Variants in DNAH5 observed in about 807,000 individuals in gnomAD.
DNAH5 encodes the protein dynein axonemal heavy chain 5.
A neutral mutation model predicts 518.2 loss-of-function variants in DNAH5; 372 were observed. The ratio of observed to expected loss-of-function variants is 0.72; its 90% CI spans 0.66 to 0.78. The LOEUF (loss-of-function observed/expected upper bound fraction) is 0.78. Ranked by LOEUF, DNAH5 falls within the 30% of genes least tolerant of loss-of-function variation. The pLI, the probability that DNAH5 is intolerant of heterozygous loss-of-function variation, is 0.00. For synonymous variants in DNAH5, 2,039 were observed against 2,025.9 expected (o/e 1.01, Z -0.17); for missense variants, 5,523 against 5,687.0 (o/e 0.97, Z 0.93).
chr5:13,959,159 C>A (rs1780977036), intron 1 of DNAH5, among the ~76,000 whole-genome samples: 1 of 152,178 alleles, frequency 6.6e-6, no homozygotes, highest in Admixed American at 6.5e-5. Context: ...GTTGGTCAGG[C>A]TGGTCTCAAA....
At chr5:13,694,761 TAAC>T (rs1222905651) in intron 78 of DNAH5, among the ~76,000 whole-genome samples, 2 of 152,212 alleles carry the variant, frequency 1.3e-5, no homozygotes, top group African/African-American at 4.8e-5. Context: ...ACCCTTTTGC[TAAC>T]AACATTTAAA....
chr5:13,882,387 C>T (rs1193083653), intron 21 of DNAH5, among the ~76,000 whole-genome samples: 1 of 151,542 alleles, frequency 6.6e-6, no homozygotes, highest in Non-Finnish European at 1.5e-5. Flanking sequence ...GCCAATATCA[C>T]TGGTGGACAT....
intron 65 of DNAH5, among the ~76,000 whole-genome samples, chr5:13,738,145 A>G (rs989645227): frequency 1.3e-5 from 2 of 151,746 alleles, no homozygotes; most frequent in Non-Finnish European, 2.9e-5. Flanking sequence ...GGTGCCAAGC[A>G]ACATGAAACC....
At chr5:13,741,339 T>A (rs1480643914) in intron 65 of DNAH5, among the ~76,000 whole-genome samples, 1 of 152,100 alleles carries the variant, frequency 6.6e-6, no homozygotes, top group Non-Finnish European at 1.5e-5. Context: ...AAAGGAAGAA[T>A]TCCCTCTTTA....
chr5:13,716,419 A>G, intron 74 of DNAH5, 68 bp downstream of exon 74: 2 of 1,104,826 alleles, frequency 1.8e-6, no homozygotes, highest in East Asian at 2.4e-5. Flanking sequence ...TAGACAGTGT[A>G]ATTAATACCC....
intron 47 of DNAH5, among the ~76,000 whole-genome samples, chr5:13,800,560 C>T (rs1175609620): frequency 6.6e-6 from 1 of 152,142 alleles, no homozygotes; most frequent in Non-Finnish European, 1.5e-5. Flanking sequence ...CAACAGTAGG[C>T]CCCCATTCCA....
At chr5:13,796,134 T>C (rs1010434572) in intron 47 of DNAH5, among the ~76,000 whole-genome samples, 2 of 152,174 alleles carry the variant, frequency 1.3e-5, no homozygotes, top group Non-Finnish European at 2.9e-5. Flanking sequence ...CTTTGAAAAC[T>C]GGCACAAGAC....
intron 77 of DNAH5, 94 bp from the exon 78 acceptor site, chr5:13,700,965 T>C: frequency 1.1e-5 from 15 of 1,307,374 alleles, no homozygotes; most frequent in Non-Finnish European, 1.7e-5. Context: ...CGAATCACTC[T>C]AACTCGAAGG....
intron 45 of DNAH5, 50 bp downstream of exon 45, chr5:13,810,009 A>G (rs767711458): frequency 2.4e-5 from 36 of 1,503,830 alleles, no homozygotes; most frequent in Non-Finnish European, 3.3e-5. Flanking sequence ...TTGGCCATGT[A>G]GGAAAGAACG....
At chr5:13,906,842 G>A (rs1204489185) in intron 12 of DNAH5, among the ~76,000 whole-genome samples, 2 of 152,050 alleles carry the variant, frequency 1.3e-5, no homozygotes, top group Non-Finnish European at 2.9e-5. Context: ...TCGTGGAAAA[G>A]ATATAGACTT....
chr5:13,866,445 T>A (rs150218215), intron 25 of DNAH5, among the ~76,000 whole-genome samples, 163 bp from the exon 26 acceptor site: 7 of 152,192 alleles, frequency 4.6e-5, no homozygotes, highest in Admixed American at 3.9e-4. Flanking sequence ...CATTTAGACA[T>A]ATGTTTCTAG....
intron 66 of DNAH5, among the ~76,000 whole-genome samples, chr5:13,736,316 A>G (rs1747409926): frequency 1.3e-5 from 2 of 152,128 alleles, no homozygotes; most frequent in South Asian, 4.1e-4. Context: ...GCCATGCCTA[A>G]CCTGGGCTTC....
intron 55 of DNAH5, 73 bp downstream of exon 55, chr5:13,776,366 C>A: frequency 6.3e-7 from 1 of 1,589,842 alleles, no homozygotes; most frequent in Non-Finnish European, 8.6e-7. Flanking sequence ...GAGGCAGAGC[C>A]TTCAAGCATC....
Position 13,919,265 on chromosome 5 carries a change from T to G in DNAH5, c.886A>C (p.Lys296Gln). Residue 296 changes from lysine to glutamine, a missense_variant, in exon 7 of 79, where the codon AAG becomes CAG. Lys to Gln is a moderately conservative substitution (Grantham distance 53). Transcript: ENST00000265104. ...ELEHWKKRLS[K>Q]FNYLLEQLKS... is the part of the protein sequence containing the mutation. ...AATTGTTCCAAAAGGTAGTTAAACT[T>G]GGAGAGTCTTTTTTTCCAGTGCTCC... is the stretch of plus-strand genomic sequence containing the variant. 6.2e-7 allele frequency: 1 copy of G among 1,614,116 alleles called. No individual in the cohort carries two copies. The highest frequency in any genetic ancestry group is 1.3e-5 in the African/African-American group (1 of 75,038).
chr5:13,788,041 A>G (rs1325498364), intron 51 of DNAH5, among the ~76,000 whole-genome samples: 2 of 152,298 alleles, frequency 1.3e-5, no homozygotes, highest in East Asian at 3.9e-4. Context: ...TTCTGAGGGG[A>G]AAAAAAGTGG....
chr5:13,779,307 C>G (rs77462403), intron 53 of DNAH5, among the ~76,000 whole-genome samples: 5 of 152,266 alleles, frequency 3.3e-5, no homozygotes, highest in African/African-American at 1.2e-4. Context: ...TTGAATAAAA[C>G]AGTAATCTTT....
chr5:13,719,060 A>T lies in DNAH5; in HGVS notation c.12321T>A (p.Asp4107Glu). The change falls in exon 72 of 79, where the codon GAT (aspartate) becomes GAA (glutamate). Residue 4107 changes from aspartate (D) to glutamate (E), a missense_variant. This residue lies in a region of DNAH5 where 5,121 missense variants were observed against 5,223.3 expected (regional missense o/e 0.98). Transcript: ENST00000265104. ...ALLQNCHLGL[D>E]FMDELMDIII... ...TTATGTCCATCAGCTCATCCATGAA[A>T]TCAAGTCCCAGATGGCAGTTCTGCA... The T allele has an allele frequency of 6.2e-7, 1 of 1,614,150 alleles. No individual in the cohort carries two copies. The highest frequency in any genetic ancestry group is 8.5e-7 in the Non-Finnish European group (1 of 1,180,018).
At chr5:13,700,473 G>A (rs1398463705) in intron 78 of DNAH5, among the ~76,000 whole-genome samples, 167 bp downstream of exon 78, 4 of 152,158 alleles carry the variant, frequency 2.6e-5, no homozygotes, top group Non-Finnish European at 5.9e-5. Context: ...ACTCAAGAAA[G>A]TGCCTAGAAG....
chr5:13,800,795 T>A (rs1028315923), intron 47 of DNAH5, among the ~76,000 whole-genome samples: 1 of 152,206 alleles, frequency 6.6e-6, no homozygotes, highest in Non-Finnish European at 1.5e-5. Context: ...ATCTCTTTGA[T>A]TGGTGTTCCC....
Sources: gnomAD v4.1 joint callset for allele counts (sites outside exome capture counted in the v4.1 genomes callset) on GRCh38, gnomAD v4.1.1 for gene constraint, gnomAD v4.1.1 regional missense constraint, MANE v1.5 for transcripts, NCBI Gene and HGNC (gene_info 2026-07-23, HGNC 2026-07-21) for gene names.